Variants in RAB3C observed in about 807,000 individuals in gnomAD.
RAB3C encodes the protein ras-related protein Rab-3C.
In RAB3C, 17 loss-of-function variants were observed where a neutral mutation model predicts 26.4. That is an observed-to-expected ratio of 0.64 (90% CI 0.44 to 0.97). The LOEUF (loss-of-function observed/expected upper bound fraction) is 0.97, where lower values mean the gene tolerates loss of function less well. RAB3C is among the 50% of genes least tolerant of loss of function. The pLI is 0.00. For synonymous variants in RAB3C, 91 were observed against 95.9 expected (o/e 0.95, Z 0.30); for missense variants, 242 against 281.9 (o/e 0.86, Z 1.01).
chr5:58,790,242 C>G (rs1275080801), intron 3 of RAB3C, among the ~76,000 whole-genome samples: 3 of 152,132 alleles, frequency 2.0e-5, no homozygotes, highest in Non-Finnish European at 2.9e-5. Flanking sequence ...ACTTATTATT[C>G]TAAGTTAGTC....
chr5:58,782,561 A>G (rs1160046552), intron 3 of RAB3C, among the ~76,000 whole-genome samples: 1 of 152,168 alleles, frequency 6.6e-6, no homozygotes, highest in Non-Finnish European at 1.5e-5. Context: ...AATGCACAGG[A>G]TTCCTTTTTA....
intron 3 of RAB3C, among the ~76,000 whole-genome samples, chr5:58,771,460 G>A (rs1369038477): frequency 6.6e-6 from 1 of 151,898 alleles, no homozygotes; most frequent in African/African-American, 2.4e-5. Context: ...AAGGAAAAAT[G>A]GAAAATTCAA....
chr5:58,760,220 T>G (rs1377607997), intron 3 of RAB3C, among the ~76,000 whole-genome samples: 2 of 152,092 alleles, frequency 1.3e-5, no homozygotes, highest in African/African-American at 2.4e-5. Flanking sequence ...ATTTGGGTGT[T>G]TGTTTGTATG....
At chr5:58,803,551 G>T (rs542588584) in intron 3 of RAB3C, among the ~76,000 whole-genome samples, 160 of 152,158 alleles carry the variant, frequency 1.1e-3, no homozygotes, top group African/African-American at 3.6e-3. Flanking sequence ...ATTTTTCTAT[G>T]CCAGTCCATT....
At chr5:58,743,292 C>T (rs1428947627) in intron 3 of RAB3C, among the ~76,000 whole-genome samples, 1 of 152,076 alleles carries the variant, frequency 6.6e-6, no homozygotes, top group Non-Finnish European at 1.5e-5. Flanking sequence ...AGTTCTCAAT[C>T]CAGACCATAT....
In RAB3C at chr5:58,858,882, C is replaced by A. The variant is rs946377642; in HGVS notation, c.*7531C>A. ...TGCAAATTGCTTTAATGCCATATTA[C>A]GGCAGTTGATTTAGACATTTGCCAG... On this transcript the variant is annotated 3_prime_UTR_variant, in exon 5 of 5. Transcript: ENST00000282878. 6.6e-6 allele frequency: 1 copy of A among 152,202 alleles called. No individual in the cohort carries two copies. 9.4% of individuals were successfully genotyped at this position (152,202 alleles called of 1,614,324 possible).
At chr5:58,597,635 C>T (rs146104939) in intron 1 of RAB3C, among the ~76,000 whole-genome samples, 21,928 of 73,526 alleles carry the variant, frequency 0.3, 3,926 homozygotes, top group African/African-American at 0.32. Flanking sequence ...TATATATAAG[C>T]ATATAACAAT....
intron 1 of RAB3C, among the ~76,000 whole-genome samples, chr5:58,588,603 T>G (rs1396600562): frequency 6.6e-6 from 1 of 152,148 alleles, no homozygotes; most frequent in Non-Finnish European, 1.5e-5. Context: ...TAGTCCTTTG[T>G]CAAGTCAGGT....
intron 3 of RAB3C, among the ~76,000 whole-genome samples, chr5:58,818,262 G>T (rs1052574611): frequency 3.3e-5 from 5 of 152,288 alleles, no homozygotes; most frequent in East Asian, 3.9e-4. Flanking sequence ...TAGAAATGTG[G>T]TTTGTTCACT....
intron 2 of RAB3C, among the ~76,000 whole-genome samples, chr5:58,659,714 C>G: frequency 6.6e-6 from 1 of 152,160 alleles, no homozygotes; most frequent in East Asian, 1.9e-4. Context: ...ATTAAACTTT[C>G]AAAGAAATAA....
At chr5:58,708,224 A>G (rs1748986953) in intron 2 of RAB3C, among the ~76,000 whole-genome samples, 1 of 152,124 alleles carries the variant, frequency 6.6e-6, no homozygotes, top group South Asian at 2.1e-4. Context: ...TCCTGGGCTC[A>G]AGTGATCCTC....
At chr5:58,666,821 G>A (rs906981860) in intron 2 of RAB3C, among the ~76,000 whole-genome samples, 4 of 152,174 alleles carry the variant, frequency 2.6e-5, no homozygotes, top group African/African-American at 9.6e-5. Flanking sequence ...AGAGGATAAT[G>A]GAGATGATTT....
intron 3 of RAB3C, among the ~76,000 whole-genome samples, chr5:58,772,692 T>A (rs1742054241): frequency 6.6e-6 from 1 of 152,258 alleles, no homozygotes; most frequent in Non-Finnish European, 1.5e-5. Context: ...CCTTGAATTC[T>A]AAATTTCTAA....
chr5:58,606,864 A>G (rs1429880968), intron 1 of RAB3C, among the ~76,000 whole-genome samples: 1 of 152,214 alleles, frequency 6.6e-6, no homozygotes, highest in African/African-American at 2.4e-5. Context: ...AAGAAATAGC[A>G]TCGACATCAA....
intron 1 of RAB3C, among the ~76,000 whole-genome samples, chr5:58,601,541 A>G (rs535522045): frequency 9.2e-5 from 14 of 152,116 alleles, no homozygotes; most frequent in Middle Eastern, 3.4e-3. Flanking sequence ...TGGTCTGTTC[A>G]GGGTATCTGA....
chr5:58,844,527 C>A (rs180903396), intron 4 of RAB3C, among the ~76,000 whole-genome samples: 238 of 152,308 alleles, frequency 1.6e-3, no homozygotes, highest in Middle Eastern at 6.8e-3. Context: ...AGAGGACGAG[C>A]TAATATGCCA....
Position 58,726,050 on chromosome 5 carries a change from C to T in RAB3C, c.301C>T (p.Arg101Cys), listed in dbSNP as rs769569619. 6 of 1,607,290 alleles carry T rather than the reference C, an allele frequency of 3.7e-6. No homozygotes were observed. The highest frequency in any genetic ancestry group is 1.7e-5 in the Admixed American group (1 of 59,296). Residue 101 changes from arginine (R) to cysteine (C), a missense_variant, in exon 3 of 5, where the codon CGT becomes TGT. Transcript: ENST00000282878. ...RYRTITTAYY[R>C]GAMGFILMYD... ...CAGGACTATCACCACAGCCTATTAT[C>T]GTGGAGCCATGGGCTTTATTTTAAT... is the stretch of plus-strand genomic sequence containing the variant.
In RAB3C at chr5:58,743,286, C is replaced by T. The variant is rs1304778135; in HGVS notation, c.371+17166C>T. Among the ~76,000 whole-genome samples the T allele has an allele frequency of 2.0e-5, 3 of 152,098 alleles. No homozygotes were observed. The East Asian group carries it at 5.8e-4, about 29-fold the overall frequency. ...TTGTTTTTGTTTTAAGATACTAGTTCTCAATCCAGACCATATATTAGAGTC... is the reference window on the plus strand; with the variant it reads ...TTGTTTTTGTTTTAAGATACTAGTTTTCAATCCAGACCATATATTAGAGTC... On this transcript the variant is annotated intron_variant, in intron 3 of 4. Transcript: ENST00000282878.
chr5:58,590,169 T>C (rs1746098946), intron 1 of RAB3C, among the ~76,000 whole-genome samples: 2 of 152,228 alleles, frequency 1.3e-5, no homozygotes, highest in African/African-American at 4.8e-5. Flanking sequence ...TAAATATGCA[T>C]ATAAAAATTT....
Sources: gnomAD v4.1 joint callset for allele counts (sites outside exome capture counted in the v4.1 genomes callset) on GRCh38, gnomAD v4.1.1 for gene constraint, MANE v1.5 for transcripts, NCBI Gene and HGNC (gene_info 2026-07-23, HGNC 2026-07-21) for gene names.